CLSTN2: variants seen among roughly 807,000 people sequenced by gnomAD.
The protein encoded by CLSTN2 is calsyntenin 2.
In CLSTN2, 48 loss-of-function variants were observed where a neutral mutation model predicts 101.2. The observed-to-expected ratio is 0.47, with a 90% CI of 0.38 to 0.60. The LOEUF (loss-of-function observed/expected upper bound fraction) is 0.60. CLSTN2 is among the 20% of genes least tolerant of loss of function. CLSTN2 has a pLI of 0.00. For synonymous variants in CLSTN2, 481 were observed against 463.6 expected, an observed-to-expected ratio of 1.04 and a Z score of -0.48; for missense variants, 1,160 against 1,238.2, an observed-to-expected ratio of 0.94 and a Z score of 0.95.
At chr3:140,261,251 A>G (rs78834547) in intron 2 of CLSTN2, among the ~76,000 whole-genome samples, 2,504 of 152,158 alleles carry the variant, frequency 0.016, 69 homozygotes, top group African/African-American at 0.057. Flanking sequence ...ATTTCCTTCT[A>G]TATTTAATCA....
intron 1 of CLSTN2, among the ~76,000 whole-genome samples, chr3:140,118,524 G>C (rs577865460): frequency 6.6e-6 from 1 of 152,148 alleles, no homozygotes; most frequent in African/African-American, 2.4e-5. Flanking sequence ...TTCTTTCACT[G>C]TCGACAGTGG....
At chr3:140,424,899 G>A (rs1001953451) in intron 5 of CLSTN2, among the ~76,000 whole-genome samples, 2 of 152,134 alleles carry the variant, frequency 1.3e-5, no homozygotes, top group Admixed American at 6.5e-5. Context: ...GGGTGGTTGA[G>A]GTTTTGAGGT....
intron 6 of CLSTN2, 128 bp from the exon 7 acceptor site, chr3:140,459,393 A>G: frequency 3.8e-6 from 4 of 1,054,824 alleles, no homozygotes; most frequent in Admixed American, 2.1e-5. Flanking sequence ...CCTAAGTCAC[A>G]TAGCTCATGG....
chr3:140,507,626 A>G (rs1053330298), intron 8 of CLSTN2: 1 of 152,074 alleles, frequency 6.6e-6, no homozygotes. Flanking sequence ...TTCCTTCACC[A>G]TCACTTTCTG....
intron 1 of CLSTN2, among the ~76,000 whole-genome samples, chr3:139,965,666 G>T (rs1935587083): frequency 6.6e-6 from 1 of 152,152 alleles, no homozygotes; most frequent in African/African-American, 2.4e-5. Flanking sequence ...CTCAAAGCTG[G>T]CTCAGCCCTT....
intron 4 of CLSTN2, among the ~76,000 whole-genome samples, chr3:140,410,863 A>C (rs1466089381): frequency 6.6e-6 from 1 of 152,210 alleles, no homozygotes; most frequent in Admixed American, 6.5e-5. Flanking sequence ...AGCTTAAAAT[A>C]GACTGGTACA....
intron 1 of CLSTN2, among the ~76,000 whole-genome samples, chr3:140,131,040 T>C (rs1489018361): frequency 6.6e-6 from 1 of 152,134 alleles, no homozygotes; most frequent in East Asian, 1.9e-4. Context: ...TGTTTAAAGA[T>C]TGAAGATGAT....
chr3:140,044,750 A>AT (rs2007834945), intron 1 of CLSTN2, among the ~76,000 whole-genome samples: 2 of 152,128 alleles, frequency 1.3e-5, no homozygotes, highest in Admixed American at 1.3e-4. Flanking sequence ...TTGCTGTTGA[A>AT]TTTTGTCGAA....
intron 8 of CLSTN2, among the ~76,000 whole-genome samples, chr3:140,478,333 G>GAAAAAAAAAAAAAAA (rs58667320): frequency 2.7e-5 from 3 of 112,578 alleles, no homozygotes; most frequent in Non-Finnish European, 2.0e-5. Context: ...AAAACATCCA[G>GAAAAAAAAAAAAAAA]AAAAAAAAAA....
intron 1 of CLSTN2, among the ~76,000 whole-genome samples, chr3:140,007,589 G>T (rs534100824): frequency 6.6e-6 from 1 of 152,308 alleles, no homozygotes; most frequent in South Asian, 2.1e-4. Context: ...AAAGGAAGAT[G>T]GTTTAAATAA....
At chr3:140,330,739 C>T (rs776288946) in intron 2 of CLSTN2, among the ~76,000 whole-genome samples, 8 of 152,284 alleles carry the variant, frequency 5.3e-5, no homozygotes, top group African/African-American at 1.4e-4. Context: ...CTCTAAAATT[C>T]GGATTCTGTG....
At chr3:140,436,818 A>G (rs2088692466) in intron 5 of CLSTN2, among the ~76,000 whole-genome samples, 1 of 152,062 alleles carries the variant, frequency 6.6e-6, no homozygotes, top group Non-Finnish European at 1.5e-5. Flanking sequence ...CAAAATGTGA[A>G]CTCACTTTCA....
At chr3:140,345,600 AT>A (rs35828839) in intron 2 of CLSTN2, among the ~76,000 whole-genome samples, 47,345 of 121,032 alleles carry the variant, frequency 0.39, 9,521 homozygotes, top group Non-Finnish European at 0.5. Flanking sequence ...TATGTGTGGA[AT>A]TTTTTTTTTT....
At chr3:140,390,982 A>G (rs1006798101) in intron 2 of CLSTN2, among the ~76,000 whole-genome samples, 1 of 152,102 alleles carries the variant, frequency 6.6e-6, no homozygotes, top group Non-Finnish European at 1.5e-5. Context: ...TTAAACTCAA[A>G]CTGCAAATTG....
chr3:140,347,524 GTTC>G (rs1319897573), intron 2 of CLSTN2, among the ~76,000 whole-genome samples: 1 of 152,216 alleles, frequency 6.6e-6, no homozygotes, highest in Non-Finnish European at 1.5e-5. Context: ...ACTACAATGT[GTTC>G]TTCTTGTTGA....
At chr3:140,445,108 C>T (rs1176469193) in intron 5 of CLSTN2, among the ~76,000 whole-genome samples, 2 of 152,134 alleles carry the variant, frequency 1.3e-5, no homozygotes, top group Non-Finnish European at 2.9e-5. Context: ...TTGAGGTCAC[C>T]AAAGCAACTG....
chr3:140,359,852 CAGTGAAGGTCTACT>C (rs1372722971), intron 2 of CLSTN2, among the ~76,000 whole-genome samples: 1 of 152,020 alleles, frequency 6.6e-6, no homozygotes, highest in African/African-American at 2.4e-5. Flanking sequence ...TGGAAATGTG[CAGTGAAGGTCTACT>C]AGCTCTCTGT....
intron 2 of CLSTN2, among the ~76,000 whole-genome samples, chr3:140,290,024 C>T (rs1178545263): frequency 6.6e-6 from 1 of 150,432 alleles, no homozygotes; most frequent in Non-Finnish European, 1.5e-5. Flanking sequence ...ATTTTTAAGG[C>T]TTTTAAAACT....
intron 1 of CLSTN2, among the ~76,000 whole-genome samples, chr3:140,067,895 T>G (rs1282975556): frequency 6.6e-6 from 1 of 152,172 alleles, no homozygotes; most frequent in African/African-American, 2.4e-5. Context: ...TAGGTTACTG[T>G]CTCTCTGGTT....
Sources: gnomAD v4.1 joint callset for allele counts (sites outside exome capture counted in the v4.1 genomes callset) on GRCh38, gnomAD v4.1.1 for gene constraint, MANE v1.5 for transcripts, NCBI Gene and HGNC (gene_info 2026-07-23, HGNC 2026-07-21) for gene names.